NBAS: variants seen among roughly 807,000 people sequenced by gnomAD.
The protein encoded by NBAS is NBAS subunit of NRZ tethering complex.
A neutral mutation model predicts 302.5 loss-of-function variants in NBAS; 219 were observed. The ratio of observed to expected loss-of-function variants is 0.72; its 90% CI spans 0.65 to 0.81. NBAS has a LOEUF of 0.81. Among genes scored for constraint, NBAS ranks in the 30% least tolerant of loss-of-function variants. NBAS has a pLI of 0.00. For synonymous variants in NBAS, 1,118 were observed against 1,021.6 expected, an observed-to-expected ratio of 1.09 and a Z score of -1.80; for missense variants, 2,932 against 2,841.6, an observed-to-expected ratio of 1.03 and a Z score of -0.72.
Position 15,238,561 on chromosome 2 carries a change from G to A in NBAS, c.5850C>T (p.Thr1950=). Residue 1950 remains threonine (T), a synonymous_variant, in exon 45 of 52, where the codon ACC becomes ACT. Coordinates refer to ENST00000281513, the MANE Select transcript of NBAS (RefSeq NM_015909.4). ...EAQEAKDSKV[T]YADTLNHLEK... ...CCAGATGATTCAAAGTATCTGCATAGGTAACTTTAGAATCCTTAGCTTCTT... is the reference window on the plus strand; with the variant it reads ...CCAGATGATTCAAAGTATCTGCATAAGTAACTTTAGAATCCTTAGCTTCTT... The A allele has an allele frequency of 1.9e-6, 3 of 1,614,078 alleles. No homozygotes were observed. The highest frequency in any genetic ancestry group is 2.5e-6 in the Non-Finnish European group (3 of 1,180,008).
the NBAS span, among the ~76,000 whole-genome samples, chr2:15,154,953 T>G: frequency 6.6e-6 from 1 of 152,356 alleles, no homozygotes; most frequent in Middle Eastern, 3.4e-3. Context: ...ACTTTTCCAG[T>G]GTTCTAAGAG....
chr2:14,988,504 G>A, the NBAS span, among the ~76,000 whole-genome samples: 1 of 152,138 alleles, frequency 6.6e-6, no homozygotes, highest in Non-Finnish European at 1.5e-5. Flanking sequence ...ATCAATTTCA[G>A]GGTGCTTCGG....
rs146627480 is a variant in NBAS, at chr2:15,495,503, G to A, written c.955-6481C>T. 7.6e-3 allele frequency among the ~76,000 whole-genome samples: 1,151 copies of A among 152,234 alleles called. 19 individuals carry two copies. Among genetic ancestry groups the A allele is most frequent in the East Asian group, 0.057 (296 of 5,184 alleles). ...AGATGATATGGAGGACAGACCAGCAGATAGAGAAAAAGAGACTTAAAACAC... is the reference window on the plus strand; with the variant it reads ...AGATGATATGGAGGACAGACCAGCAAATAGAGAAAAAGAGACTTAAAACAC... On this transcript the variant is annotated intron_variant, in intron 11 of 51. Transcript: ENST00000281513.
chr2:15,504,253 ATGACT>A, intron 10 of NBAS, 40 bp from the exon 11 acceptor site: 1 of 1,463,042 alleles, frequency 6.8e-7, no homozygotes, highest in Non-Finnish European at 9.6e-7. Flanking sequence ...GATTACTGAA[ATGACT>A]TATCGTTGTA....
At chr2:15,510,490 G>A (rs1227098265) in intron 10 of NBAS, among the ~76,000 whole-genome samples, 2 of 152,160 alleles carry the variant, frequency 1.3e-5, no homozygotes, top group Non-Finnish European at 2.9e-5. Context: ...CTGCCCAGGA[G>A]AGTCATGATC....
intron 40 of NBAS, 137 bp downstream of exon 40, chr2:15,308,079 C>A: frequency 7.5e-7 from 1 of 1,334,018 alleles, no homozygotes. Flanking sequence ...TACAGGAAAG[C>A]CAAGAGCTGC....
intron 35 of NBAS, among the ~76,000 whole-genome samples, chr2:15,339,903 T>C (rs572587537): frequency 6.7e-5 from 10 of 150,190 alleles, no homozygotes; most frequent in South Asian, 2.1e-4. Flanking sequence ...TTGCTGGGAA[T>C]GCTTAAAGAA....
At chr2:15,009,635 CACAT>C in the NBAS span, among the ~76,000 whole-genome samples, 21 of 133,380 alleles carry the variant, frequency 1.6e-4, no homozygotes, top group African/African-American at 5.1e-4. Flanking sequence ...CACACACACA[CACAT>C]ATACACATAT....
At chr2:15,255,155 G>C (rs1346304430) in intron 44 of NBAS, among the ~76,000 whole-genome samples, 1 of 152,062 alleles carries the variant, frequency 6.6e-6, no homozygotes, top group African/African-American at 2.4e-5. Flanking sequence ...GTTTTCCATA[G>C]TGGTTGTACT....
chr2:15,034,020 A>AG, the NBAS span, among the ~76,000 whole-genome samples: 317 of 42,376 alleles, frequency 7.5e-3, 13 homozygotes, highest in South Asian at 0.05. Flanking sequence ...AAGAAGAAGA[A>AG]GAAGAAGAGG....
At chr2:15,197,380 T>C (rs1354006912) in intron 48 of NBAS, among the ~76,000 whole-genome samples, 2 of 152,236 alleles carry the variant, frequency 1.3e-5, no homozygotes, top group African/African-American at 2.4e-5. Flanking sequence ...GCAAACAGTC[T>C]AGCCTAGGTC....
chr2:15,277,686 A>G (rs1461550597), intron 42 of NBAS, among the ~76,000 whole-genome samples: 1 of 152,252 alleles, frequency 6.6e-6, no homozygotes, highest in African/African-American at 2.4e-5. Context: ...CAGTAATGCT[A>G]CTTAAATAAA....
rs766225342 is a variant in NBAS, at chr2:15,330,590, C to T, written c.4347+8G>A. ...AGTTGATTTTAAAAAGAAAGATGCA[C>T]TGCTTACCTGAAGGGGTCGAAGGTA... On this transcript the variant is annotated splice_region_variant and intron_variant, in intron 36 of 51. Transcript: ENST00000281513. The T allele has an allele frequency of 6.8e-6, 11 of 1,613,482 alleles. No homozygotes were observed. In the South Asian group the frequency reaches 1.1e-4, roughly 16 times the overall value.
chr2:15,316,561 A>G (rs562463647), intron 38 of NBAS, among the ~76,000 whole-genome samples: 1 of 152,364 alleles, frequency 6.6e-6, no homozygotes, highest in South Asian at 2.1e-4. Flanking sequence ...ACCGGCAGAC[A>G]AGGAGATTCT....
chr2:15,474,715 C>T (rs1372911777), intron 14 of NBAS, among the ~76,000 whole-genome samples: 1 of 152,080 alleles, frequency 6.6e-6, no homozygotes, highest in Non-Finnish European at 1.5e-5. Context: ...CACCCGCCAC[C>T]ACGCCCAGCC....
chr2:15,122,309 C>T, the NBAS span, among the ~76,000 whole-genome samples: 4 of 152,122 alleles, frequency 2.6e-5, no homozygotes, highest in African/African-American at 9.7e-5. Context: ...TGGGCATCTG[C>T]TCCTAGTGAG....
chr2:15,256,664 C>A (rs1329287728), intron 44 of NBAS, among the ~76,000 whole-genome samples: 2 of 152,092 alleles, frequency 1.3e-5, no homozygotes, highest in African/African-American at 4.8e-5. Flanking sequence ...TCAACTTTTC[C>A]CTGTTCAGTA....
chr2:15,470,259 T>G (rs1347398724), intron 16 of NBAS, among the ~76,000 whole-genome samples: 1 of 152,044 alleles, frequency 6.6e-6, no homozygotes, highest in African/African-American at 2.4e-5. Context: ...TTCCTTCCAC[T>G]CCAATTCTCT....
the NBAS span, among the ~76,000 whole-genome samples, chr2:15,106,451 GTCTCTC>G: frequency 2.2e-3 from 317 of 147,120 alleles, 1 homozygote; most frequent in Middle Eastern, 6.8e-3. Context: ...CTCTGTCTCT[GTCTCTC>G]TCTCTCTCTC....
Sources: gnomAD v4.1 joint callset for allele counts (sites outside exome capture counted in the v4.1 genomes callset) on GRCh38, gnomAD v4.1.1 for gene constraint, MANE v1.5 for transcripts, NCBI Gene and HGNC (gene_info 2026-07-23, HGNC 2026-07-21) for gene names.